Variants in THSD7B observed in about 807,000 individuals in gnomAD.
The protein encoded by THSD7B is thrombospondin type 1 domain containing 7B.
In THSD7B, 138 loss-of-function variants were observed where a neutral mutation model predicts 213.6. That is an observed-to-expected ratio of 0.65 (90% CI 0.56 to 0.74). THSD7B has a LOEUF of 0.74. Ranked by LOEUF, THSD7B falls within the 30% of genes least tolerant of loss-of-function variation. The pLI, the probability that THSD7B is intolerant of heterozygous loss-of-function variation, is 0.00. For synonymous variants in THSD7B, 742 were observed against 687.0 expected, an observed-to-expected ratio of 1.08 and a Z score of -1.25; for missense variants, 1,931 against 1,991.5, an observed-to-expected ratio of 0.97 and a Z score of 0.58.
intron 17 of THSD7B, among the ~76,000 whole-genome samples, chr2:137,607,225 C>T (rs1028489227): frequency 6.6e-6 from 1 of 152,088 alleles, no homozygotes; most frequent in African/African-American, 2.4e-5. Context: ...AACTCATTTG[C>T]ATGAAATTTG....
At chr2:137,666,098 C>CCTAT (rs1408992725) in intron 26 of THSD7B, among the ~76,000 whole-genome samples, 3 of 151,982 alleles carry the variant, frequency 2.0e-5, no homozygotes, top group African/African-American at 7.2e-5. Context: ...GAAGTTTTAG[C>CCTAT]CTATCTTTTT....
intron 2 of THSD7B, among the ~76,000 whole-genome samples, chr2:137,041,968 C>T (rs1157752910): frequency 1.3e-5 from 2 of 152,164 alleles, no homozygotes; most frequent in African/African-American, 4.8e-5. Context: ...GTAAATTAGG[C>T]ACATGTTCAG....
chr2:136,808,599 G>A (rs1365943), intron 1 of THSD7B, among the ~76,000 whole-genome samples: 65,839 of 152,074 alleles, frequency 0.43, 14,765 homozygotes, highest in African/African-American at 0.53. Context: ...ATGCTTAGAT[G>A]TGTGACTTTC....
chr2:137,050,586 C>T (rs1046304212), intron 2 of THSD7B, among the ~76,000 whole-genome samples: 5 of 152,118 alleles, frequency 3.3e-5, no homozygotes, highest in Non-Finnish European at 5.9e-5. Flanking sequence ...AAATGCTCTG[C>T]GGTAGTCTGC....
At chr2:137,087,827 A>G (rs1687868397) in intron 3 of THSD7B, among the ~76,000 whole-genome samples, 1 of 152,244 alleles carries the variant, frequency 6.6e-6, no homozygotes, top group South Asian at 2.1e-4. Flanking sequence ...GAACCAAAAG[A>G]GAGCCTGCAT....
intron 3 of THSD7B, among the ~76,000 whole-genome samples, chr2:137,068,387 A>G (rs1269256548): frequency 6.6e-6 from 1 of 152,132 alleles, no homozygotes; most frequent in Non-Finnish European, 1.5e-5. Context: ...TAAAATAATT[A>G]GGTTTTAGAA....
intron 2 of THSD7B, among the ~76,000 whole-genome samples, chr2:136,908,907 G>A (rs189374996): frequency 4.6e-5 from 7 of 152,252 alleles, no homozygotes; most frequent in East Asian, 1.9e-4. Context: ...TAGTCTGGGC[G>A]CGGTGGCTAA....
chr2:137,075,397 A>G (rs1204036745), intron 3 of THSD7B, among the ~76,000 whole-genome samples: 1 of 152,072 alleles, frequency 6.6e-6, no homozygotes, highest in African/African-American at 2.4e-5. Flanking sequence ...AGGCTTCTGC[A>G]TTCATCATGT....
chr2:137,560,792 T>A (rs945390705), intron 15 of THSD7B, among the ~76,000 whole-genome samples: 1 of 152,012 alleles, frequency 6.6e-6, no homozygotes, highest in African/African-American at 2.4e-5. Context: ...TTTGCTCCCC[T>A]AGCAGCCCAC....
At chr2:137,297,044 C>T (rs1683482664) in intron 12 of THSD7B, among the ~76,000 whole-genome samples, 1 of 149,820 alleles carries the variant, frequency 6.7e-6, no homozygotes, top group Non-Finnish European at 1.5e-5. Flanking sequence ...TTTTTTAATA[C>T]TTGGTTTTGT....
intron 2 of THSD7B, among the ~76,000 whole-genome samples, chr2:137,014,780 A>T (rs547283483): frequency 6.6e-6 from 1 of 152,028 alleles, no homozygotes; most frequent in African/African-American, 2.4e-5. Context: ...CTCACACCGC[A>T]TCTCAGTCAC....
intron 2 of THSD7B, among the ~76,000 whole-genome samples, chr2:137,016,565 G>C (rs1053599115): frequency 1.3e-5 from 2 of 152,154 alleles, no homozygotes; most frequent in Non-Finnish European, 2.9e-5. Context: ...AGCAGAGAAA[G>C]AGGCACACTG....
At chr2:137,341,928 GT>G (rs548194238) in intron 12 of THSD7B, among the ~76,000 whole-genome samples, 46 of 150,980 alleles carry the variant, frequency 3.0e-4, no homozygotes, top group African/African-American at 1.0e-3. Flanking sequence ...TTTTTTGTTT[GT>G]TTTTTTGTTT....
chr2:137,534,205 C>T (rs1680459839), intron 15 of THSD7B, among the ~76,000 whole-genome samples: 1 of 151,502 alleles, frequency 6.6e-6, no homozygotes, highest in South Asian at 2.1e-4. Flanking sequence ...ATAGTTATCT[C>T]TTTTATTTTG....
intron 5 of THSD7B, among the ~76,000 whole-genome samples, chr2:137,132,937 C>G (rs1256643433): frequency 1.3e-5 from 2 of 152,158 alleles, no homozygotes; most frequent in African/African-American, 4.8e-5. Context: ...GACAGCCACA[C>G]TGTACTTTTT....
intron 1 of THSD7B, among the ~76,000 whole-genome samples, chr2:136,837,851 C>A (rs1045527169): frequency 1.3e-5 from 2 of 152,124 alleles, no homozygotes; most frequent in Non-Finnish European, 2.9e-5. Context: ...TCAACAATAT[C>A]CTGGTCCTTT....
At chr2:137,403,112 C>A (rs578014750) in intron 12 of THSD7B, among the ~76,000 whole-genome samples, 10 of 151,936 alleles carry the variant, frequency 6.6e-5, no homozygotes, top group Non-Finnish European at 1.3e-4. Flanking sequence ...TTTGTCCCTG[C>A]GACGTGGATA....
At chr2:136,775,065 C>T (rs1048520323) in intron 1 of THSD7B, among the ~76,000 whole-genome samples, 2 of 152,108 alleles carry the variant, frequency 1.3e-5, no homozygotes, top group Admixed American at 6.6e-5. Context: ...GGAGATATGA[C>T]ATGCACATTC....
intron 5 of THSD7B, among the ~76,000 whole-genome samples, chr2:137,159,946 G>T (rs1679982669): frequency 6.6e-6 from 1 of 152,034 alleles, no homozygotes; most frequent in Non-Finnish European, 1.5e-5. Context: ...GATATTTCCA[G>T]TTCTCTCTTA....
Sources: allele counts gnomAD v4.1 joint callset (sites outside exome capture counted in the v4.1 genomes callset), GRCh38; gene constraint gnomAD v4.1.1; transcripts MANE v1.5; gene names NCBI Gene and HGNC (gene_info 2026-07-23, HGNC 2026-07-21).